AKAP6: variants seen among roughly 807,000 people sequenced by gnomAD.
The protein encoded by AKAP6 is A-kinase anchor protein 6.
Under a neutral mutation model 188.5 loss-of-function variants are expected in AKAP6, and 58 were observed. The ratio of observed to expected loss-of-function variants is 0.31; its 90% CI spans 0.25 to 0.38. AKAP6 has a LOEUF of 0.38. Ranked by LOEUF, AKAP6 falls within the 10% of genes least tolerant of loss-of-function variation. The pLI, the probability that AKAP6 is intolerant of heterozygous loss-of-function variation, is 1.00. For synonymous variants in AKAP6, 989 were observed against 998.6 expected (o/e 0.99, Z 0.18); for missense variants, 2,710 against 2,740.0 (o/e 0.99, Z 0.24).
intron 12 of AKAP6, among the ~76,000 whole-genome samples, chr14:32,792,683 C>T (rs1447028162): frequency 2.0e-5 from 3 of 152,144 alleles, no homozygotes; most frequent in Non-Finnish European, 2.9e-5. Context: ...GAGAAGGCAT[C>T]CTTGTCTTAT....
intron 7 of AKAP6, among the ~76,000 whole-genome samples, chr14:32,658,037 T>C (rs1432601569): frequency 1.3e-5 from 2 of 152,092 alleles, no homozygotes; most frequent in Non-Finnish European, 2.9e-5. Context: ...GCAACGTAGA[T>C]TGTTTTAAAA....
chr14:32,354,532 A>G (rs888430299), intron 1 of AKAP6, among the ~76,000 whole-genome samples: 2 of 152,196 alleles, frequency 1.3e-5, no homozygotes, highest in Non-Finnish European at 2.9e-5. Context: ...ATTTCTTTCT[A>G]TGCAAATTCA....
At chr14:32,826,443 T>G (rs2034675778) in intron 13 of AKAP6, among the ~76,000 whole-genome samples, 1 of 152,150 alleles carries the variant, frequency 6.6e-6, no homozygotes, top group South Asian at 2.1e-4. Flanking sequence ...CAAGTCCTAT[T>G]AGAACCGATT....
chr14:32,695,634 C>A lies in AKAP6; in HGVS notation c.2880-356C>A, dbSNP rs981071945. Among the ~76,000 whole-genome samples the A allele has an allele frequency of 2.8e-4, 42 of 152,192 alleles. 1 individual carries two copies. Among genetic ancestry groups the A allele is most frequent in the Admixed American group, 2.8e-3 (42 of 15,264 alleles). ...GGACCATGTAACCTTCTACAAGTCA[C>A]TGACTCTCTATTTCTCAGTCTATTA... is the stretch of plus-strand genomic sequence containing the variant. On this transcript the variant is annotated intron_variant, in intron 8 of 13. Transcript: ENST00000280979.
intron 7 of AKAP6, among the ~76,000 whole-genome samples, chr14:32,640,893 A>G (rs567573970): frequency 1.9e-4 from 29 of 152,314 alleles, no homozygotes; most frequent in African/African-American, 6.3e-4. Context: ...TATACAAACA[A>G]AAGTCTGAAG....
rs746431874 is a variant in AKAP6 at position 32,822,374 on chromosome 14, G to T, written c.4561G>T (p.Asp1521Tyr). ...SKHQTTELQP[D>Y]VPPHERILAS... The stretch of plus-strand genomic sequence containing the variant: ...ACATCAGACTACAGAGTTACAACCA[G>T]ATGTACCTCCCCATGAAAGGATTTT... Residue 1521 changes from aspartate (D) to tyrosine (Y), a missense_variant, in exon 13 of 14, where the codon GAT becomes TAT. By Grantham distance (160) the Asp-to-Tyr change is radical (BLOSUM62 -3). Around this residue, in one of 2 missense-constraint regions of AKAP6, gnomAD observed 2,473 missense variants for 2,426.1 expected, o/e 1.02. Coordinates refer to ENST00000280979, the MANE Select transcript of AKAP6 (RefSeq NM_004274.5). The T allele has an allele frequency of 1.1e-4, 174 of 1,613,796 alleles. No individual in the cohort carries two copies. The Admixed American group carries it at 2.7e-3, about 25-fold the overall frequency.
At chr14:32,663,862 C>T (rs1405796585) in intron 7 of AKAP6, among the ~76,000 whole-genome samples, 6 of 152,036 alleles carry the variant, frequency 3.9e-5, no homozygotes, top group Non-Finnish European at 8.8e-5. Context: ...GCATCTAATA[C>T]CTACCATTGT....
intron 2 of AKAP6, 40 bp from the exon 3 acceptor site, chr14:32,535,514 G>C: frequency 6.3e-7 from 1 of 1,587,908 alleles, no homozygotes; most frequent in South Asian, 1.2e-5. Context: ...CCAGGATAAG[G>C]CAAAGTAGTC....
intron 9 of AKAP6, among the ~76,000 whole-genome samples, chr14:32,700,664 T>C (rs933191788): frequency 7.2e-5 from 11 of 152,198 alleles, no homozygotes; most frequent in Non-Finnish European, 1.5e-4. Flanking sequence ...AGTAACATGC[T>C]GTACAGGTTT....
At chr14:32,711,471 A>T (rs955238147) in intron 9 of AKAP6, among the ~76,000 whole-genome samples, 2 of 152,094 alleles carry the variant, frequency 1.3e-5, no homozygotes, top group Non-Finnish European at 2.9e-5. Context: ...CCTTTTTATA[A>T]AATGAATTAA....
chr14:32,389,943 C>G (rs1434932659), intron 1 of AKAP6, among the ~76,000 whole-genome samples: 1 of 152,048 alleles, frequency 6.6e-6, no homozygotes, highest in African/African-American at 2.4e-5. Context: ...GATATGTTTT[C>G]CAAACTTTTA....
intron 9 of AKAP6, among the ~76,000 whole-genome samples, chr14:32,725,704 G>T (rs542958412): frequency 1.3e-5 from 2 of 152,196 alleles, no homozygotes; most frequent in Admixed American, 1.3e-4. Context: ...GAAGTGTAGT[G>T]TTGGAAATGT....
intron 1 of AKAP6, among the ~76,000 whole-genome samples, chr14:32,387,542 T>G (rs533919641): frequency 6.7e-6 from 1 of 149,406 alleles, no homozygotes; most frequent in Non-Finnish European, 1.5e-5. Context: ...TATTATATTT[T>G]TAATCATAAA....
rs1555365166 is a variant in AKAP6, at chr14:32,813,398, C to CG, written c.3589-8004_3589-8003insG. ...TTTCATCTCTAACCCTACCCCCCCC[C>CG]CCAACCCCTTTCCCAGAGGTCCTTC... On this transcript the variant is annotated intron_variant, in intron 12 of 13. Coordinates refer to ENST00000280979, the MANE Select transcript of AKAP6 (RefSeq NM_004274.5). 1.9e-4 allele frequency among the ~76,000 whole-genome samples: 24 copies of CG among 125,074 alleles called. 1 individual carries two copies. The South Asian group carries it at 3.7e-3, about 19-fold the overall frequency. The allele number at this position is 125,074 out of a possible 152,430, so 82.1% of individuals were successfully genotyped here.
chr14:32,352,826 A>G (rs756754553), intron 1 of AKAP6, among the ~76,000 whole-genome samples: 3 of 152,196 alleles, frequency 2.0e-5, no homozygotes, highest in Non-Finnish European at 4.4e-5. Flanking sequence ...TTGATTCCGT[A>G]TCTTGGCTAT....
At chr14:32,690,070 C>T (rs1286104079) in intron 8 of AKAP6, among the ~76,000 whole-genome samples, 1 of 123,896 alleles carries the variant, frequency 8.1e-6, no homozygotes, top group Non-Finnish European at 1.6e-5. Flanking sequence ...CTTAAGTGCC[C>T]CAAAATACAC....
At position 32,831,936 on chromosome 14, in the gene AKAP6, A is replaced by G. The variant is rs2034824770; in HGVS notation, c.*2131A>G. On this transcript the variant is annotated 3_prime_UTR_variant, in exon 14 of 14. Transcript: ENST00000280979. ...TGTTTTGCACCTGATTTTATTTATCATTAGTGCCACGCCAAGATCATTTAG... is the reference window on the plus strand; with the variant it reads ...TGTTTTGCACCTGATTTTATTTATCGTTAGTGCCACGCCAAGATCATTTAG... 1 of 152,180 alleles carries G rather than the reference A, an allele frequency of 6.6e-6. No homozygotes were observed. The highest frequency in any genetic ancestry group is 6.5e-5 in the Admixed American group (1 of 15,276). 9.4% of individuals were successfully genotyped at this position (152,180 alleles called of 1,614,324 possible).
chr14:32,586,283 G>A (rs754976821), intron 5 of AKAP6, among the ~76,000 whole-genome samples: 9 of 152,046 alleles, frequency 5.9e-5, no homozygotes, highest in South Asian at 2.1e-4. Context: ...CTCCTCCCTC[G>A]AGGCAACCAA....
chr14:32,780,111 C>T (rs1040964005), intron 12 of AKAP6, among the ~76,000 whole-genome samples: 1 of 133,778 alleles, frequency 7.5e-6, no homozygotes, highest in African/African-American at 2.8e-5. Flanking sequence ...ATGGGAACAA[C>T]TGAAGTGTCC....
Sources: gnomAD v4.1 joint callset for allele counts (sites outside exome capture counted in the v4.1 genomes callset) on GRCh38, gnomAD v4.1.1 for gene constraint, gnomAD v4.1.1 regional missense constraint, MANE v1.5 for transcripts, NCBI Gene and HGNC (gene_info 2026-07-23, HGNC 2026-07-21) for gene names.